The following SARM1 variants were observed in gnomAD, a reference collection of about 807,000 sequenced individuals.
The protein encoded by SARM1 is sterile alpha and TIR motif containing 1.
SARM1 carries 60 observed loss-of-function variants against 65.1 expected under a neutral mutation model. The ratio of observed to expected loss-of-function variants is 0.92; its 90% CI spans 0.75 to 1.14. SARM1 has a LOEUF of 1.14. Among genes scored for constraint, SARM1 ranks in the 50% most tolerant of loss-of-function variants. The pLI, the probability that SARM1 is intolerant of heterozygous loss-of-function variation, is 0.00. For synonymous variants in SARM1, 417 were observed against 465.4 expected (o/e 0.90, Z 1.34); for missense variants, 913 against 1,015.7 (o/e 0.90, Z 1.37).
intron 1 of SARM1, among the ~76,000 whole-genome samples, chr17:28,377,873 AT>A (rs2142425639): frequency 6.6e-6 from 1 of 151,968 alleles, no homozygotes; most frequent in South Asian, 2.1e-4. Context: ...AATTTTTGTA[AT>A]TTTAGTAGAG....
At chr17:28,391,142 T>C (rs2068077717) in intron 7 of SARM1, among the ~76,000 whole-genome samples, 1 of 152,178 alleles carries the variant, frequency 6.6e-6, no homozygotes, top group Non-Finnish European at 1.5e-5. Context: ...TCCAGTGATG[T>C]CATGTTGGTA....
rs972165267 is a variant in SARM1, at chr17:28,374,826, G to A, written c.470+2324G>A. 2.6e-5 allele frequency among the ~76,000 whole-genome samples: 4 copies of A among 151,792 alleles called. No individual in the cohort carries two copies. In the East Asian group the frequency reaches 7.7e-4, roughly 29 times the overall value. On this transcript the variant is annotated intron_variant, in intron 1 of 8. Transcript: ENST00000585482. Reference sequence around the variant, plus strand: ...AACCCATCTCTACAAAAAATATACAGATTAGCCGGGCGTGATGGCATGCAC... The same window carrying A: ...AACCCATCTCTACAAAAAATATACAAATTAGCCGGGCGTGATGGCATGCAC...
Position 28,399,488 on chromosome 17 carries a change from T to C in SARM1, c.*3202T>C. 1 of 652,378 alleles carries C rather than the reference T, an allele frequency of 1.5e-6. No individual in the cohort carries two copies. The highest frequency in any genetic ancestry group is 2.7e-6 in the Non-Finnish European group (1 of 371,154). 40.4% of individuals were successfully genotyped at this position (652,378 alleles called of 1,614,324 possible). The stretch of plus-strand genomic sequence containing the variant: ...GATCCTAGACAGAGGCTGGGTCAGC[T>C]GTGGATGGGGTGGTGCCTTGGTCTC... On this transcript the variant is annotated 3_prime_UTR_variant, in exon 9 of 9. Coordinates refer to ENST00000585482, the MANE Select transcript of SARM1 (RefSeq NM_015077.4).
At position 28,380,542 on chromosome 17, in the gene SARM1, C is replaced by A. The variant is rs561585259; in HGVS notation, c.471-661C>A. ...CATCGCCCTGAGGATAAGCTCTGGC[C>A]AGTCTCTGTTAAACCTCAGCCCCTA... On this transcript the variant is annotated intron_variant, in intron 1 of 8. Coordinates refer to ENST00000585482, the MANE Select transcript of SARM1 (RefSeq NM_015077.4). 6.6e-5 allele frequency among the ~76,000 whole-genome samples: 10 copies of A among 152,338 alleles called. No homozygotes were observed. In the South Asian group the frequency reaches 1.7e-3, roughly 25 times the overall value.
intron 7 of SARM1, among the ~76,000 whole-genome samples, chr17:28,393,712 C>CTCATTCAT (rs1254167215): frequency 1.3e-5 from 2 of 152,178 alleles, no homozygotes; most frequent in Non-Finnish European, 2.9e-5. Flanking sequence ...GCTATGTTTT[C>CTCATTCAT]TCATTCATTC....
In SARM1 at chr17:28,372,080, C is replaced by T. The variant is rs782640296; in HGVS notation, c.48C>T (p.Phe16=). The T allele has an allele frequency of 4.0e-6, 6 of 1,499,304 alleles. No homozygotes were observed. Among genetic ancestry groups the T allele is most frequent in the Non-Finnish European group, 5.3e-6 (6 of 1,131,246 alleles). 92.9% of individuals were successfully genotyped at this position (1,499,304 alleles called of 1,614,324 possible). A position where few individuals can be genotyped will look rare whatever the true frequency, so the allele number is the denominator to read the frequency against. The change falls in exon 1 of 9, where the codon TTC becomes TTT. Residue 16 remains phenylalanine (F), a synonymous_variant. Transcript: ENST00000585482. This position sits in a 1 kb window ranked among gnomAD's most constrained non-coding sequence, Gnocchi z 5.2. ...CCGCCTACAAGCTGTGTCGCTTCTT[C>T]GCCATGTCGGGCCCACGGCCGGGCG... ...LLSAYKLCRF[F]AMSGPRPGAE... is the part of the protein sequence containing the mutation.
chr17:28,391,709 A>G (rs1015070453), intron 7 of SARM1, among the ~76,000 whole-genome samples: 63 of 124,640 alleles, frequency 5.1e-4, no homozygotes, highest in African/African-American at 2.0e-3. Flanking sequence ...AATTGCACCA[A>G]AAAAAAAAAA....
At position 28,384,244 on chromosome 17, in the gene SARM1, G is replaced by T; in HGVS notation, c.1090-113G>T. On this transcript the variant is annotated intron_variant, in intron 2 of 8. Coordinates refer to ENST00000585482, the MANE Select transcript of SARM1 (RefSeq NM_015077.4). This position sits in a 1 kb window ranked among gnomAD's most constrained non-coding sequence, Gnocchi z 4.4. ...ACTTAGTGGCTGAAGGTGGGGCCAG[G>T]GCAGATGGAGAGACTTTGGGTTGTG... 1.2e-6 allele frequency: 1 copy of T among 836,978 alleles called. No homozygotes were observed. The highest frequency in any genetic ancestry group is 2.7e-5 in the East Asian group (1 of 36,384). 51.8% of individuals were successfully genotyped at this position (836,978 alleles called of 1,614,324 possible).
rs1555585804 is a variant in SARM1, at chr17:28,385,078, A to G, written c.1433A>G (p.Asn478Ser). ...CTCACGGAGCTCAAGACCTTCGCCA[A>G]CTATTCTACGTGCGACCGCAGCAAC... is the stretch of plus-strand genomic sequence containing the variant. ...RELTELKTFA[N>S]YSTCDRSNLA... is the part of the protein sequence containing the mutation. The change falls in exon 5 of 9, where the codon AAC (asparagine) becomes AGC (serine). Residue 478 changes from asparagine (N) to serine (S), a missense_variant. Coordinates refer to ENST00000585482, the MANE Select transcript of SARM1 (RefSeq NM_015077.4). The surrounding 1 kb of genome is among the most constrained non-coding windows in gnomAD (Gnocchi z 4.5). 9 of 1,613,902 alleles carry G rather than the reference A, an allele frequency of 5.6e-6. No homozygotes were observed. Among genetic ancestry groups the G allele is most frequent in the Non-Finnish European group, 6.8e-6 (8 of 1,179,864 alleles).
In SARM1 at chr17:28,402,246, G is replaced by C. The variant is rs2068204860; in HGVS notation, c.*5960G>C. 2 of 1,612,938 alleles carry C rather than the reference G, an allele frequency of 1.2e-6. No homozygotes were observed. Among genetic ancestry groups the C allele is most frequent in the Non-Finnish European group, 1.7e-6 (2 of 1,179,514 alleles). On this transcript the variant is annotated 3_prime_UTR_variant, in exon 9 of 9. Transcript: ENST00000585482. ...TGGGTTCTGACACTCACCCTGCTCT[G>C]TCTCTCTCACCAGCTTGGAGAGTTT...
Position 28,399,844 on chromosome 17 carries a change from T to C in SARM1, c.*3558T>C, listed in dbSNP as rs2068175033. 1 of 857,510 alleles carries C rather than the reference T, an allele frequency of 1.2e-6. No individual in the cohort carries two copies. The highest frequency in any genetic ancestry group is 2.0e-6 in the Non-Finnish European group (1 of 510,018). The allele number at this position is 857,510 out of a possible 1,614,324, so 53.1% of individuals were successfully genotyped here. On this transcript the variant is annotated 3_prime_UTR_variant, in exon 9 of 9. Coordinates refer to ENST00000585482, the MANE Select transcript of SARM1 (RefSeq NM_015077.4). ...TCCTGAACCTCCTCCTTCCCCAAGC[T>C]GAGAAGCTGAGAGCTGGAGGACAAT...
Position 28,384,777 on chromosome 17 carries a change from T to C in SARM1, c.1303-62T>C. On this transcript the variant is annotated intron_variant, in intron 3 of 8. Transcript: ENST00000585482. The surrounding 1 kb of genome is among the most constrained non-coding windows in gnomAD (Gnocchi z 4.4). ...CATCTCCAGTTCCTTCCCTTGCATC[T>C]TGTGCTCGAGGTCCAAGGGCGGAGT... is the stretch of plus-strand genomic sequence containing the variant. 2 of 1,454,864 alleles carry C rather than the reference T, an allele frequency of 1.4e-6. No homozygotes were observed. The highest frequency in any genetic ancestry group is 1.9e-6 in the Non-Finnish European group (2 of 1,059,046). The allele number at this position is 1,454,864 out of a possible 1,614,324, so 90.1% of individuals were successfully genotyped here. A position where few individuals can be genotyped will look rare whatever the true frequency, so the allele number is the denominator to read the frequency against.
At chr17:28,375,025 G>T (rs1356610417) in intron 1 of SARM1, among the ~76,000 whole-genome samples, 4 of 139,656 alleles carry the variant, frequency 2.9e-5, no homozygotes, top group African/African-American at 1.1e-4. Flanking sequence ...ACCCCTTTTT[G>T]CCACTTCCCT....
rs1555589104 is a variant in SARM1 at position 28,399,701 on chromosome 17, CT to C, written c.*3419del. On this transcript the variant is annotated 3_prime_UTR_variant, in exon 9 of 9. Transcript: ENST00000585482. ...GCTGGAACTCGAGGTGAGGATCAGCCTTTTCCAGCATCCTGTGAGAGACCAG... is the reference window on the plus strand; with the variant it reads ...GCTGGAACTCGAGGTGAGGATCAGCCTTTCCAGCATCCTGTGAGAGACCAG... 2.5e-6 allele frequency: 4 copies of C among 1,613,816 alleles called. No homozygotes were observed. The highest frequency in any genetic ancestry group is 1.3e-5 in the African/African-American group (1 of 74,884).
intron 1 of SARM1, among the ~76,000 whole-genome samples, chr17:28,379,648 T>G (rs2068010856): frequency 6.6e-6 from 1 of 152,210 alleles, no homozygotes; most frequent in Non-Finnish European, 1.5e-5. Flanking sequence ...ATAAGGTTTC[T>G]GGTCTATGGA....
chr17:28,384,371 C>A lies in SARM1; in HGVS notation c.1104C>A (p.Ile368=). 1 of 1,593,540 alleles carries A rather than the reference C, an allele frequency of 6.3e-7. No individual in the cohort carries two copies. The highest frequency in any genetic ancestry group is 1.1e-5 in the South Asian group (1 of 88,640). Residue 368 remains isoleucine (I), a synonymous_variant, in exon 3 of 9, where the codon ATC becomes ATA. Transcript: ENST00000585482. The surrounding 1 kb of genome is among the most constrained non-coding windows in gnomAD (Gnocchi z 4.4). The part of the protein sequence containing the change: ...LQGKTKVFSD[I]GAIQSLKRLV... ...TCCCTCCCTAGGTGTTCAGCGACATCGGCGCCATCCAGAGCCTGAAACGCC... is the reference window on the plus strand; with the variant it reads ...TCCCTCCCTAGGTGTTCAGCGACATAGGCGCCATCCAGAGCCTGAAACGCC...
At chr17:28,376,599 G>T (rs1357809507) in intron 1 of SARM1, among the ~76,000 whole-genome samples, 1 of 151,748 alleles carries the variant, frequency 6.6e-6, no homozygotes, top group African/African-American at 2.4e-5. Flanking sequence ...AAAAGTAAGG[G>T]TGTTGGATTA....
rs1331743051 is a variant in SARM1, at chr17:28,399,492, G to A, written c.*3206G>A. The A allele has an allele frequency of 4.5e-6, 3 of 666,296 alleles. No individual in the cohort carries two copies. Among genetic ancestry groups the A allele is most frequent in the Non-Finnish European group, 7.9e-6 (3 of 381,352 alleles). The allele number at this position is 666,296 out of a possible 1,614,324, so 41.3% of individuals were successfully genotyped here. On this transcript the variant is annotated 3_prime_UTR_variant, in exon 9 of 9. Coordinates refer to ENST00000585482, the MANE Select transcript of SARM1 (RefSeq NM_015077.4). ...CTAGACAGAGGCTGGGTCAGCTGTG[G>A]ATGGGGTGGTGCCTTGGTCTCTCTT... is the stretch of plus-strand genomic sequence containing the variant.
chr17:28,383,992 G>C (rs988698377), intron 2 of SARM1, among the ~76,000 whole-genome samples: 1 of 152,230 alleles, frequency 6.6e-6, no homozygotes, highest in Non-Finnish European at 1.5e-5. Context: ...ATGTGCGTGT[G>C]TGTGTGAAGT....
Sources: allele counts gnomAD v4.1 joint callset (sites outside exome capture counted in the v4.1 genomes callset), GRCh38; gene constraint gnomAD v4.1.1; non-coding constraint Gnocchi (gnomAD v3.1); transcripts MANE v1.5; gene names NCBI Gene and HGNC (gene_info 2026-07-23, HGNC 2026-07-21).